INPP5B: variants seen among roughly 807,000 people sequenced by gnomAD.
The protein encoded by INPP5B is type II inositol 1,4,5-trisphosphate 5-phosphatase.
INPP5B carries 90 observed loss-of-function variants against 118.5 expected under a neutral mutation model. The ratio of observed to expected loss-of-function variants is 0.76; its 90% CI spans 0.64 to 0.90. The LOEUF is 0.90. INPP5B is among the 40% of genes least tolerant of loss of function. The pLI is 0.00. For synonymous variants in INPP5B, 385 were observed against 418.9 expected (o/e 0.92, Z 0.99); for missense variants, 984 against 1,125.6 (o/e 0.87, Z 1.80).
intron 7 of INPP5B, among the ~76,000 whole-genome samples, chr1:37,917,583 C>G (rs1644918204): frequency 1.3e-5 from 2 of 151,672 alleles, no homozygotes; most frequent in Admixed American, 1.3e-4. Context: ...CTAGGCCTCC[C>G]AAAGTGCTGG....
rs1454372376 is a variant in INPP5B, at chr1:37,862,043, A to AAAAAAAT, written c.*265_*271dup. 6.1e-6 allele frequency: 2 copies of AAAAAAAT among 327,866 alleles called. No homozygotes were observed. Among genetic ancestry groups the AAAAAAAT allele is most frequent in the South Asian group, 5.2e-5 (1 of 19,256 alleles). The allele number at this position is 327,866 out of a possible 1,614,324, so 20.3% of individuals were successfully genotyped here. On this transcript the variant is annotated 3_prime_UTR_variant, in exon 24 of 24. Transcript: ENST00000373024. ...AGAGCAAAACTCCGTCTCAAAATAA[A>AAAAAAAT]AAAAAATAAAAAATAAAAAAATCTG...
At chr1:37,902,989 A>G (rs1570216042) in intron 7 of INPP5B, among the ~76,000 whole-genome samples, 2 of 152,096 alleles carry the variant, frequency 1.3e-5, no homozygotes, top group East Asian at 3.9e-4. Context: ...TCTCAAAAAA[A>G]AAAAAGAAAA....
intron 7 of INPP5B, among the ~76,000 whole-genome samples, chr1:37,924,360 G>T (rs1015873205): frequency 4.0e-5 from 6 of 150,632 alleles, no homozygotes; most frequent in African/African-American, 1.5e-4. Context: ...GTAGAAACAG[G>T]GTTTCGCCAT....
At chr1:37,906,512 T>A (rs981269493) in intron 7 of INPP5B, among the ~76,000 whole-genome samples, 5 of 152,162 alleles carry the variant, frequency 3.3e-5, no homozygotes, top group Admixed American at 6.5e-5. Flanking sequence ...CCATGATTTG[T>A]CTTTAGTAAA....
intron 1 of INPP5B, among the ~76,000 whole-genome samples, chr1:37,946,752 G>C (rs1646124081): frequency 6.6e-6 from 1 of 152,068 alleles, no homozygotes; most frequent in Admixed American, 6.6e-5. Flanking sequence ...GTCCATGTGG[G>C]GTTCAGGGAA....
In INPP5B at chr1:37,873,038, C is replaced by T. The variant is rs755706472; in HGVS notation, c.2079G>A (p.Leu693=). The T allele has an allele frequency of 3.1e-6, 5 of 1,614,004 alleles. No individual in the cohort carries two copies. The African/African-American group carries it at 5.3e-5, about 17-fold the overall frequency. ...TGGGCAGGTAGTTCCCAGACACAGA[C>T]AAAAAGTAATCCTTTCCCCTGTCCA... ...LHLDRGKDYF[L]SVSGNYLPSC... is the part of the protein sequence containing the mutation. The change falls in exon 19 of 24, where the codon TTG becomes TTA. Residue 693 remains leucine, a synonymous_variant. Coordinates refer to ENST00000373024, the MANE Select transcript of INPP5B (RefSeq NM_005540.3).
chr1:37,868,622 G>A lies in INPP5B; in HGVS notation c.2188-8C>T. On this transcript the variant is annotated splice_region_variant and splice_polypyrimidine_tract_variant and intron_variant, in intron 19 of 23. Transcript: ENST00000373024. ...CCATACTGGCATCAGAGTCTGGAAA[G>A]CAATCAAGATCATGACAGAACTTCT... 1 of 1,577,344 alleles carries A rather than the reference G, an allele frequency of 6.3e-7. No individual in the cohort carries two copies. The highest frequency in any genetic ancestry group is 1.1e-5 in the South Asian group (1 of 90,306).
Position 37,943,861 on chromosome 1 carries a change from A to G in INPP5B, c.185T>C (p.Ile62Thr), listed in dbSNP as rs1320200017. ...GTCCAGAGAGACATCGTCCCCGGTA[A>G]TGGCCATCCTCCGGTGCGTATAGAG... The part of the protein sequence containing the change: ...LFLYTHRRMA[I>T]TGDDVSLDQI... The change falls in exon 4 of 24, where the codon ATT becomes ACT. Residue 62 changes from isoleucine (I) to threonine (T), a missense_variant. Ile to Thr is a moderately conservative substitution (Grantham distance 89). Around this residue, in one of 2 missense-constraint regions of INPP5B, gnomAD observed 350 missense variants for 334.6 expected, o/e 1.05. Coordinates refer to ENST00000373024, the MANE Select transcript of INPP5B (RefSeq NM_005540.3). 1.2e-6 allele frequency: 2 copies of G among 1,613,946 alleles called. No individual in the cohort carries two copies. Among genetic ancestry groups the G allele is most frequent in the African/African-American group, 1.3e-5 (1 of 74,878 alleles).
In INPP5B at chr1:37,886,915, A is replaced by C. The variant is rs760589228; in HGVS notation, c.1104T>G (p.Thr368=). 1.2e-6 allele frequency: 2 copies of C among 1,614,158 alleles called. No homozygotes were observed. Among genetic ancestry groups the C allele is most frequent in the Non-Finnish European group, 1.7e-6 (2 of 1,179,994 alleles). ...TCCTCCCCATGATTCCTGTCCCCAC[A>C]GTCTCGGCTTCCACTTCTGAGATAT... ...AAYISEVEAE[T]VGTGIMGRMG... Residue 368 remains threonine (T), a synonymous_variant, in exon 12 of 24, where the codon ACT becomes ACG. Coordinates refer to ENST00000373024, the MANE Select transcript of INPP5B (RefSeq NM_005540.3).
chr1:37,914,360 T>C (rs928909330), intron 7 of INPP5B, among the ~76,000 whole-genome samples: 82 of 152,270 alleles, frequency 5.4e-4, no homozygotes, highest in African/African-American at 1.8e-3. Context: ...CCAAGAACCC[T>C]CTCTTGGAGT....
rs1396405313 is a variant in INPP5B, at chr1:37,873,101, C to T, written c.2016G>A (p.Ser672=). ...VNKMTATKLN[S]GEDKIEDILV... Reference sequence around the variant, plus strand: ...GAATGTCCTCAATTTTGTCTTCACCCGAGTTGAGCTTTGTAGCTGTCATCT... The same window carrying T: ...GAATGTCCTCAATTTTGTCTTCACCTGAGTTGAGCTTTGTAGCTGTCATCT... Residue 672 remains serine (S), a synonymous_variant, in exon 19 of 24, where the codon TCG becomes TCA. Coordinates refer to ENST00000373024, the MANE Select transcript of INPP5B (RefSeq NM_005540.3). 5.6e-6 allele frequency: 9 copies of T among 1,613,998 alleles called. No homozygotes were observed. Among genetic ancestry groups the T allele is most frequent in the Middle Eastern group, 1.6e-4 (1 of 6,084 alleles).
intron 7 of INPP5B, among the ~76,000 whole-genome samples, chr1:37,900,792 C>A (rs1644303536): frequency 6.6e-6 from 1 of 151,210 alleles, no homozygotes; most frequent in African/African-American, 2.4e-5. Flanking sequence ...CCACACCCAG[C>A]TAATTTTTGT....
chr1:37,882,203 T>G (rs919738938), intron 14 of INPP5B, among the ~76,000 whole-genome samples: 1 of 152,286 alleles, frequency 6.6e-6, no homozygotes, highest in African/African-American at 2.4e-5. Flanking sequence ...TTTAACATTC[T>G]GAACAACCTG....
intron 22 of INPP5B, 173 bp from the exon 23 acceptor site, chr1:37,864,596 AC>A (rs1274107722): frequency 1.5e-5 from 7 of 473,510 alleles, no homozygotes; most frequent in Non-Finnish European, 2.7e-5. Flanking sequence ...GTCAAATGCA[AC>A]ATGAATTTAG....
At chr1:37,877,074 C>A (rs961901295) in intron 16 of INPP5B, among the ~76,000 whole-genome samples, 1 of 146,254 alleles carries the variant, frequency 6.8e-6, no homozygotes, top group Non-Finnish European at 1.5e-5. Context: ...TGAAAAAAAA[C>A]AAAAAGAAAA....
intron 6 of INPP5B, among the ~76,000 whole-genome samples, chr1:37,937,498 C>T (rs947968516): frequency 3.3e-5 from 5 of 149,938 alleles, no homozygotes; most frequent in Non-Finnish European, 7.4e-5. Context: ...CAGGGACAGT[C>T]GCTCACGCCT....
In INPP5B at chr1:37,945,848, C is replaced by T. The variant is rs751436448; in HGVS notation, c.60G>A (p.Ala20=). The T allele has an allele frequency of 1.1e-5, 17 of 1,613,758 alleles. 1 individual carries two copies. In the East Asian group the frequency reaches 1.3e-4, roughly 13 times the overall value. Reference sequence around the variant, plus strand: ...CCCCCTCACACAGCACACCTTGCACCGCCTGCGGCTCAGAGTCAAGGGAAG... The same window carrying T: ...CCCCCTCACACAGCACACCTTGCACTGCCTGCGGCTCAGAGTCAAGGGAAG... ...TLAEGEYCVI[A]VQGVLCEGDS... The change falls in exon 3 of 24, where the codon GCG becomes GCA. Residue 20 remains alanine (A), a splice_region_variant and synonymous_variant. Coordinates refer to ENST00000373024, the MANE Select transcript of INPP5B (RefSeq NM_005540.3).
In INPP5B at chr1:37,907,685, A is replaced by C. The variant is rs535813744; in HGVS notation, c.533-16231T>G. On this transcript the variant is annotated intron_variant, in intron 7 of 23. Transcript: ENST00000373024. The surrounding 1 kb of genome is among the most constrained non-coding windows in gnomAD (Gnocchi z 4.3). ...AAGCCTGCTAACACCCACCAAACCA[A>C]GATGGCCATGAGAGTGACCCACCTC... 2.0e-5 allele frequency among the ~76,000 whole-genome samples: 3 copies of C among 152,284 alleles called. No individual in the cohort carries two copies. Among genetic ancestry groups the C allele is most frequent in the African/African-American group, 7.2e-5 (3 of 41,568 alleles).
chr1:37,873,853 G>T (rs1276956698), intron 18 of INPP5B, 140 bp downstream of exon 18: 11 of 487,014 alleles, frequency 2.3e-5, no homozygotes, highest in Non-Finnish European at 3.1e-5. Flanking sequence ...TCATGAATGG[G>T]TTCATCTATA....
Sources: gnomAD v4.1 joint callset for allele counts (sites outside exome capture counted in the v4.1 genomes callset) on GRCh38, gnomAD v4.1.1 for gene constraint, gnomAD v4.1.1 regional missense constraint, Gnocchi (gnomAD v3.1) non-coding constraint, MANE v1.5 for transcripts, NCBI Gene and HGNC (gene_info 2026-07-23, HGNC 2026-07-21) for gene names.